SEPTIN2: variants seen among roughly 807,000 people sequenced by gnomAD.
SEPTIN2 encodes septin-2.
A neutral mutation model predicts 46.5 loss-of-function variants in SEPTIN2; 34 were observed. The observed-to-expected ratio is 0.73, with a 90% confidence interval of 0.56 to 0.97. The LOEUF is 0.97. Ranked by LOEUF, SEPTIN2 falls within the 50% of genes least tolerant of loss-of-function variation. The pLI, the probability that SEPTIN2 is intolerant of heterozygous loss-of-function variation, is 0.00. For synonymous variants in SEPTIN2, 175 were observed against 153.4 expected (o/e 1.14, Z -1.04); for missense variants, 347 against 448.4 (o/e 0.77, Z 2.04).
intron 3 of SEPTIN2, among the ~76,000 whole-genome samples, chr2:241,327,648 G>A (rs1467801441): frequency 1.3e-5 from 2 of 151,840 alleles, no homozygotes; most frequent in African/African-American, 2.4e-5. Flanking sequence ...ATCATAACAC[G>A]CTACCAGAAA....
chr2:241,327,020 C>T (rs1306007440), intron 3 of SEPTIN2, among the ~76,000 whole-genome samples: 1 of 127,580 alleles, frequency 7.8e-6, no homozygotes, highest in Non-Finnish European at 1.5e-5. Context: ...TGCACTCAAG[C>T]CTCAAGCCTG....
intron 1 of SEPTIN2, among the ~76,000 whole-genome samples, chr2:241,318,582 G>C (rs1355902069): frequency 6.6e-6 from 1 of 151,984 alleles, no homozygotes; most frequent in Non-Finnish European, 1.5e-5. Flanking sequence ...TAAATGATGT[G>C]CCCCCATTTC....
In SEPTIN2 at chr2:241,353,260, G is replaced by A. The variant is rs1395698518; in HGVS notation, c.*1323G>A. On this transcript the variant is annotated 3_prime_UTR_variant, in exon 13 of 13. Coordinates refer to ENST00000391971, the MANE Select transcript of SEPTIN2 (RefSeq NM_004404.5). The stretch of plus-strand genomic sequence containing the variant: ...TAGTGGGCAGGTCCGCACAGTCGAA[G>A]CCACACCTGGTCTGTTTTCTGTGCA... 1 of 152,236 alleles carries A rather than the reference G, an allele frequency of 6.6e-6. No individual in the cohort carries two copies. Among genetic ancestry groups the A allele is most frequent in the East Asian group, 1.9e-4 (1 of 5,204 alleles). The allele number at this position is 152,236 out of a possible 1,614,324, so 9.4% of individuals were successfully genotyped here.
intron 1 of SEPTIN2, among the ~76,000 whole-genome samples, chr2:241,323,936 C>A (rs1024204456): frequency 3.3e-5 from 5 of 152,250 alleles, no homozygotes; most frequent in Admixed American, 1.3e-4. Context: ...GTCATTTAGT[C>A]TAGTTTTGAA....
At chr2:241,328,586 T>A (rs150060974) in intron 3 of SEPTIN2, among the ~76,000 whole-genome samples, 2 of 134,006 alleles carry the variant, frequency 1.5e-5, no homozygotes, top group East Asian at 2.2e-4. Flanking sequence ...AAAAAAAAAA[T>A]ACTAAATTAG....
intron 7 of SEPTIN2, among the ~76,000 whole-genome samples, chr2:241,338,199 T>G (rs1329902445): frequency 1.3e-5 from 2 of 152,120 alleles, no homozygotes; most frequent in African/African-American, 4.8e-5. Context: ...TTTGGAAACA[T>G]AGCAGTTGTC....
In SEPTIN2 at chr2:241,338,806, T is replaced by TTATATTTATATTATTTATATATAATACA. The variant is rs1559643036; in HGVS notation, c.594+1042_594+1043insCATATATTTATATTATTTATATATAATA. On this transcript the variant is annotated intron_variant, in intron 7 of 12. Transcript: ENST00000391971. The stretch of plus-strand genomic sequence containing the variant: ...TTATATTATTTATATATAATACATA[T>TTATATTTATATTATTTATATATAATACA]TATATTTATATTATTTATATATAAT... 2.3e-4 allele frequency among the ~76,000 whole-genome samples: 24 copies of TTATATTTATATTATTTATATATAATACA among 104,570 alleles called. No individual in the cohort carries two copies. In the East Asian group the frequency reaches 4.1e-3, roughly 18 times the overall value. 68.6% of individuals were successfully genotyped at this position (104,570 alleles called of 152,430 possible). A position where few individuals can be genotyped will look rare whatever the true frequency, so the allele number is the denominator to read the frequency against.
At chr2:241,345,249 G>T (rs2081853860) in intron 9 of SEPTIN2, among the ~76,000 whole-genome samples, 1 of 152,234 alleles carries the variant, frequency 6.6e-6, no homozygotes, top group African/African-American at 2.4e-5. Flanking sequence ...TTTGCCGCAT[G>T]TCTCACTTAG....
chr2:241,326,347 G>C (rs2077963531), intron 3 of SEPTIN2, among the ~76,000 whole-genome samples: 2 of 152,222 alleles, frequency 1.3e-5, no homozygotes, highest in South Asian at 2.1e-4. Context: ...TGTCAGCTAG[G>C]CTCCAAAATG....
At chr2:241,348,840 A>T (rs1484726729) in intron 11 of SEPTIN2, among the ~76,000 whole-genome samples, 1 of 152,198 alleles carries the variant, frequency 6.6e-6, no homozygotes, top group Non-Finnish European at 1.5e-5. Context: ...GAGTTTTGGA[A>T]GGCAAACACA....
intron 11 of SEPTIN2, among the ~76,000 whole-genome samples, chr2:241,349,724 G>A (rs1265939216): frequency 2.0e-5 from 3 of 152,136 alleles, no homozygotes; most frequent in African/African-American, 7.2e-5. Flanking sequence ...AGGAGGCTGA[G>A]GCAGGAGAAT....
intron 1 of SEPTIN2, among the ~76,000 whole-genome samples, chr2:241,317,808 G>T (rs2076592532): frequency 6.6e-6 from 1 of 152,034 alleles, no homozygotes. Flanking sequence ...TGCGAAAATT[G>T]GTTTTTTATG....
chr2:241,334,534 G>A lies in SEPTIN2; in HGVS notation c.131-592G>A, dbSNP rs148051898. Among the ~76,000 whole-genome samples the A allele has an allele frequency of 8.9e-4, 135 of 152,242 alleles. 2 individuals are homozygous for A. The highest frequency in any genetic ancestry group is 3.1e-3 in the African/African-American group (127 of 41,560). On this transcript the variant is annotated intron_variant, in intron 3 of 12. Coordinates refer to ENST00000391971, the MANE Select transcript of SEPTIN2 (RefSeq NM_004404.5). ...AACAAAGTGAGCGGGAAAGTTGCCCGACATATGACAGTTGCCAGTGCTGGG... is the reference window on the plus strand; with the variant it reads ...AACAAAGTGAGCGGGAAAGTTGCCCAACATATGACAGTTGCCAGTGCTGGG...
chr2:241,328,449 G>A (rs1379535114), intron 3 of SEPTIN2, among the ~76,000 whole-genome samples: 1 of 151,280 alleles, frequency 6.6e-6, no homozygotes, highest in Admixed American at 6.6e-5. Context: ...AAATTAAGTA[G>A]AAATTGGCTG....
At chr2:241,334,206 T>C (rs1328221091) in intron 3 of SEPTIN2, among the ~76,000 whole-genome samples, 1 of 152,098 alleles carries the variant, frequency 6.6e-6, no homozygotes, top group Non-Finnish European at 1.5e-5. Flanking sequence ...TGTGTACTCC[T>C]TCCTCATGCT....
At chr2:241,350,252 G>A (rs111967433) in intron 12 of SEPTIN2, 49 bp downstream of exon 12, 1 of 559,598 alleles carries the variant, frequency 1.8e-6, no homozygotes, top group Non-Finnish European at 2.7e-6. Flanking sequence ...TACTAACATT[G>A]TGTCAGCTTA....
At chr2:241,349,103 T>C (rs771428299) in intron 11 of SEPTIN2, among the ~76,000 whole-genome samples, 8 of 152,282 alleles carry the variant, frequency 5.3e-5, no homozygotes, top group East Asian at 1.9e-4. Flanking sequence ...GTTACACTTA[T>C]AGTCCCAGCA....
intron 3 of SEPTIN2, among the ~76,000 whole-genome samples, chr2:241,331,351 A>G (rs1313585834): frequency 2.6e-5 from 4 of 152,222 alleles, no homozygotes; most frequent in African/African-American, 9.7e-5. Context: ...AGTTGTTAAG[A>G]TCTGCCCCAT....
chr2:241,317,691 T>C (rs1441184066), intron 1 of SEPTIN2: 2 of 344,252 alleles, frequency 5.8e-6, no homozygotes, highest in Non-Finnish European at 4.1e-6. Context: ...GTGGGTATAC[T>C]GAACGTGGAC....
Sources: allele counts gnomAD v4.1 joint callset (sites outside exome capture counted in the v4.1 genomes callset), GRCh38; gene constraint gnomAD v4.1.1; transcripts MANE v1.5; gene names NCBI Gene and HGNC (gene_info 2026-07-23, HGNC 2026-07-21).